VCL: variants seen among roughly 807,000 people sequenced by gnomAD.
The protein encoded by VCL is epididymis luminal protein 114.
VCL carries 47 observed loss-of-function variants against 125.7 expected under a neutral mutation model. The ratio of observed to expected loss-of-function variants is 0.37; its 90% CI spans 0.30 to 0.48. The LOEUF is 0.48. Among genes scored for constraint, VCL ranks in the 20% least tolerant of loss-of-function variants. The pLI is 0.99. For missense variants in VCL, 1,069 were observed against 1,455.5 expected (o/e 0.73, Z 4.32); for synonymous variants, 458 against 514.6 (o/e 0.89, Z 1.49).
chr10:74,087,345 T>C (rs1012414902), intron 8 of VCL, among the ~76,000 whole-genome samples: 11 of 146,174 alleles, frequency 7.5e-5, no homozygotes, highest in Admixed American at 6.1e-4. Flanking sequence ...TTTTCTTTTT[T>C]TTTTTTTTTT....
chr10:74,085,206 T>C (rs938851792), intron 8 of VCL, among the ~76,000 whole-genome samples: 41 of 152,214 alleles, frequency 2.7e-4, no homozygotes, highest in African/African-American at 9.6e-4. Context: ...ACTTTTAAAA[T>C]ACACAAATGC....
Position 74,118,495 on chromosome 10 carries a change from T to G in VCL, c.*326T>G, listed in dbSNP as rs1374683225. 2 of 389,658 alleles carry G rather than the reference T, an allele frequency of 5.1e-6. No individual in the cohort carries two copies. The allele number at this position is 389,658 out of a possible 1,614,324, so 24.1% of individuals were successfully genotyped here. On this transcript the variant is annotated 3_prime_UTR_variant, in exon 22 of 22. Transcript: ENST00000211998. ...TGAACACTAGCCAGACACTCTGCTC[T>G]GCCCTTGTTCCCTAGGGGACACTTC... is the stretch of plus-strand genomic sequence containing the variant.
intron 6 of VCL, chr10:74,077,853 A>G (rs1213042344): frequency 6.4e-6 from 2 of 311,062 alleles, no homozygotes; most frequent in Non-Finnish European, 1.3e-5. Context: ...CCTATATTCA[A>G]ATTGCACATT....
At chr10:74,049,970 G>C (rs1014341791) in intron 2 of VCL, among the ~76,000 whole-genome samples, 5 of 152,210 alleles carry the variant, frequency 3.3e-5, no homozygotes, top group Non-Finnish European at 7.3e-5. Context: ...TGTCATTGCT[G>C]TATACAGTGG....
At chr10:74,025,696 G>GAGGA (rs371393234) in intron 1 of VCL, among the ~76,000 whole-genome samples, 51,588 of 115,390 alleles carry the variant, frequency 0.45, 12,755 homozygotes, top group African/African-American at 0.48. Context: ...GGGAGGGAGG[G>GAGGA]AGGAAGGAAG....
chr10:74,097,054 C>A lies in VCL; in HGVS notation c.1744-150C>A. 2.7e-6 allele frequency: 3 copies of A among 1,122,834 alleles called. No individual in the cohort carries two copies. Among genetic ancestry groups the A allele is most frequent in the Non-Finnish European group, 3.9e-6 (3 of 777,352 alleles). 69.6% of individuals were successfully genotyped at this position (1,122,834 alleles called of 1,614,324 possible). A position where few individuals can be genotyped will look rare whatever the true frequency, so the allele number is the denominator to read the frequency against. ...GCAGGATTCATAAATTACACCTGTT[C>A]TGTGCTAGCTCAGTGCTTTGTACAC... On this transcript the variant is annotated intron_variant, in intron 12 of 21. Coordinates refer to ENST00000211998, the MANE Select transcript of VCL (RefSeq NM_014000.3). The surrounding 1 kb of genome is among the most constrained non-coding windows in gnomAD (Gnocchi z 4.1).
chr10:74,120,429 T>C (rs1840402434), downstream of VCL: 1 of 152,236 alleles, frequency 6.6e-6, no homozygotes, highest in African/African-American at 2.4e-5. Flanking sequence ...TGAAACAGTT[T>C]ATTTTCATCT....
intron 10 of VCL, among the ~76,000 whole-genome samples, chr10:74,091,791 C>CAAAAAAAAAAAAAAAAAAAA (rs545539526): frequency 2.1e-4 from 13 of 61,146 alleles, no homozygotes; most frequent in East Asian, 8.2e-4. Context: ...TCTGTCTCAG[C>CAAAAAAAAAAAAAAAAAAAA]AAAAAAAAAA....
chr10:74,008,386 A>C (rs776857124), intron 1 of VCL, among the ~76,000 whole-genome samples: 1 of 152,240 alleles, frequency 6.6e-6, no homozygotes, highest in African/African-American at 2.4e-5. Flanking sequence ...TCAGCTATGC[A>C]GATCACTTAC....
At chr10:74,031,552 C>T (rs575394398) in intron 1 of VCL, among the ~76,000 whole-genome samples, 1 of 152,034 alleles carries the variant, frequency 6.6e-6, no homozygotes, top group Non-Finnish European at 1.5e-5. Flanking sequence ...TTAGATGAAG[C>T]CTTCTTAAGT....
chr10:74,057,468 G>T (rs912892427), intron 2 of VCL, among the ~76,000 whole-genome samples: 1 of 152,050 alleles, frequency 6.6e-6, no homozygotes, highest in Non-Finnish European at 1.5e-5. Context: ...TTAGATCTTT[G>T]TCTGAAGGTA....
Position 74,094,398 on chromosome 10 carries a change from G to C in VCL, c.1480G>C (p.Glu494Gln), listed in dbSNP as rs1839933693. Residue 494 changes from glutamate (E) to glutamine (Q), a missense_variant, in exon 11 of 22, where the codon GAG becomes CAG. Coordinates refer to ENST00000211998, the MANE Select transcript of VCL (RefSeq NM_014000.3). The stretch of plus-strand genomic sequence containing the variant: ...ACCGGCCAAAGCAGCTGTACACCTT[G>C]AGGGCAAGATTGAGCAAGCACAGCG... Reference protein sequence around the residue: ...SRPAKAAVHLEGKIEQAQRWI... With the variant: ...SRPAKAAVHLQGKIEQAQRWI... The C allele has an allele frequency of 6.2e-7, 1 of 1,614,064 alleles. No homozygotes were observed. Among genetic ancestry groups the C allele is most frequent in the South Asian group, 1.1e-5 (1 of 91,086 alleles).
chr10:74,074,665 T>C lies in VCL; in HGVS notation c.623-78T>C, dbSNP rs552330433. On this transcript the variant is annotated intron_variant, in intron 5 of 21. Coordinates refer to ENST00000211998, the MANE Select transcript of VCL (RefSeq NM_014000.3). ...TCTTAAAAGCCCAAAACATCTAAAG[T>C]GTAGAACATCTTTTGTGAATATTGT... 8 of 1,538,614 alleles carry C rather than the reference T, an allele frequency of 5.2e-6. No homozygotes were observed. In the East Asian group the frequency reaches 1.6e-4, roughly 30 times the overall value.
intron 1 of VCL, among the ~76,000 whole-genome samples, chr10:73,998,706 G>T (rs1389739614): frequency 1.3e-5 from 2 of 152,234 alleles, no homozygotes; most frequent in African/African-American, 4.8e-5. Context: ...AATGAGAGTT[G>T]CTGGGATGTC....
chr10:74,116,180 A>C (rs930674421), intron 21 of VCL, among the ~76,000 whole-genome samples: 5 of 152,206 alleles, frequency 3.3e-5, no homozygotes, highest in Non-Finnish European at 7.3e-5. Context: ...CTAGGCCAGG[A>C]GATAGGGCAC....
chr10:74,118,356 T>C lies in VCL; in HGVS notation c.*187T>C, dbSNP rs1840343474. 9.6e-6 allele frequency: 7 copies of C among 726,656 alleles called. No individual in the cohort carries two copies. The highest frequency in any genetic ancestry group is 1.6e-5 in the Non-Finnish European group (7 of 427,968). 45.0% of individuals were successfully genotyped at this position (726,656 alleles called of 1,614,324 possible). ...CTCTTTTTTCATGGACACTTTGAAATGTGTTTCTGTATAAAGCCTGTATTC... is the reference window on the plus strand; with the variant it reads ...CTCTTTTTTCATGGACACTTTGAAACGTGTTTCTGTATAAAGCCTGTATTC... On this transcript the variant is annotated 3_prime_UTR_variant, in exon 22 of 22. Transcript: ENST00000211998.
At chr10:74,086,426 G>T (rs1295487727) in intron 8 of VCL, among the ~76,000 whole-genome samples, 1 of 152,222 alleles carries the variant, frequency 6.6e-6, no homozygotes, top group African/African-American at 2.4e-5. Context: ...CTTTTCTCCT[G>T]CTGAGAAGCA....
chr10:74,026,327 G>T (rs890709985), intron 1 of VCL, among the ~76,000 whole-genome samples: 1 of 152,126 alleles, frequency 6.6e-6, no homozygotes, highest in African/African-American at 2.4e-5. Context: ...TATTAAAAGG[G>T]AAACCTTGCT....
intron 11 of VCL, 109 bp downstream of exon 11, chr10:74,094,570 G>C (rs2131914784): frequency 7.7e-7 from 1 of 1,295,870 alleles, no homozygotes; most frequent in African/African-American, 1.5e-5. Context: ...TTCTTTAGCT[G>C]CTGATAAGTA....
Sources: gnomAD v4.1 joint callset for allele counts (sites outside exome capture counted in the v4.1 genomes callset) on GRCh38, gnomAD v4.1.1 for gene constraint, Gnocchi (gnomAD v3.1) non-coding constraint, MANE v1.5 for transcripts, NCBI Gene and HGNC (gene_info 2026-07-23, HGNC 2026-07-21) for gene names.